The following RANGAP1 variants were observed in gnomAD, a reference collection of about 807,000 sequenced individuals.
RANGAP1 encodes Ran GTPase activating protein 1.
Under a neutral mutation model 63.5 loss-of-function variants are expected in RANGAP1, and 38 were observed. The observed-to-expected ratio is 0.60, with a 90% confidence interval of 0.46 to 0.78. RANGAP1 has a LOEUF of 0.78. RANGAP1 is among the 30% of genes least tolerant of loss of function. The pLI is 0.00. For synonymous variants in RANGAP1, 329 were observed against 310.5 expected, an observed-to-expected ratio of 1.06 and a Z score of -0.63; for missense variants, 630 against 740.3, an observed-to-expected ratio of 0.85 and a Z score of 1.73.
chr22:41,258,441 G>C (rs181440195), intron 6 of RANGAP1, among the ~76,000 whole-genome samples: 1 of 152,298 alleles, frequency 6.6e-6, no homozygotes. Flanking sequence ...GCTGTGGTGG[G>C]CAGGCACTCA....
At chr22:41,280,219 A>G (rs2035419126) in intron 2 of RANGAP1, among the ~76,000 whole-genome samples, 1 of 152,164 alleles carries the variant, frequency 6.6e-6, no homozygotes, top group African/African-American at 2.4e-5. Flanking sequence ...CGACCTGGAG[A>G]GGAGAACAAG....
Position 41,264,862 on chromosome 22 carries a change from C to T in RANGAP1, c.301-19G>A, listed in dbSNP as rs2034376446. The T allele has an allele frequency of 3.2e-6, 5 of 1,584,818 alleles. No homozygotes were observed. Among genetic ancestry groups the T allele is most frequent in the Non-Finnish European group, 4.3e-6 (5 of 1,157,178 alleles). On this transcript the variant is annotated intron_variant, in intron 4 of 15. Coordinates refer to ENST00000356244, the MANE Select transcript of RANGAP1 (RefSeq NM_002883.4). ...GTGAGATCTGGGCACAGAGGAAGCT[C>T]GTGTCAGTTTCATAGACACCCAGCT...
the RANGAP1 span, among the ~76,000 whole-genome samples, chr22:41,293,810 T>C: frequency 6.6e-6 from 1 of 150,818 alleles, no homozygotes; most frequent in Admixed American, 6.6e-5. Flanking sequence ...AAATACTTGG[T>C]TTTTTAAAAA....
At chr22:41,273,978 T>C (rs1425741331) in intron 3 of RANGAP1, among the ~76,000 whole-genome samples, 1 of 152,114 alleles carries the variant, frequency 6.6e-6, no homozygotes, top group African/African-American at 2.4e-5. Flanking sequence ...CTCAGGAGGC[T>C]GAGGCAGGAG....
chr22:41,293,534 C>G, the RANGAP1 span, among the ~76,000 whole-genome samples: 1 of 151,880 alleles, frequency 6.6e-6, no homozygotes, highest in Non-Finnish European at 1.5e-5. Context: ...AATCCCAGCA[C>G]TTTGGGAGGC....
intron 12 of RANGAP1, among the ~76,000 whole-genome samples, chr22:41,252,367 G>T (rs528165020): frequency 6.6e-6 from 1 of 152,108 alleles, no homozygotes; most frequent in Non-Finnish European, 1.5e-5. Flanking sequence ...ATTTCATGTT[G>T]CCAAGAGGGT....
chr22:41,274,000 C>G (rs1179747924), intron 3 of RANGAP1, among the ~76,000 whole-genome samples: 1 of 152,150 alleles, frequency 6.6e-6, no homozygotes, highest in Non-Finnish European at 1.5e-5. Context: ...ATCGCTTGAA[C>G]CCAGGAGGCG....
At chr22:41,268,186 G>C in intron 3 of RANGAP1, 30 bp from the exon 4 acceptor site, 1 of 1,503,622 alleles carries the variant, frequency 6.7e-7, no homozygotes, top group Non-Finnish European at 9.1e-7. Context: ...AGAGTTAGCG[G>C]GAGAGAGACC....
intron 15 of RANGAP1, 68 bp from the exon 16 acceptor site, chr22:41,246,740 T>C (rs1376421262): frequency 7.2e-7 from 1 of 1,383,998 alleles, no homozygotes; most frequent in Non-Finnish European, 1.0e-6. Context: ...GTGGGGGCCA[T>C]TTTGGTGCCA....
the RANGAP1 span, among the ~76,000 whole-genome samples, chr22:41,292,723 T>A: frequency 6.6e-6 from 1 of 151,190 alleles, no homozygotes; most frequent in African/African-American, 2.4e-5. Context: ...TCCAGCCTGG[T>A]CAACAGAGTG....
Position 41,246,409 on chromosome 22 carries a change from G to A in RANGAP1, c.*194C>T, listed in dbSNP as rs373963890. The A allele has an allele frequency of 2.7e-5, 16 of 582,254 alleles. No individual in the cohort carries two copies. The Admixed American group carries it at 3.7e-4, about 13-fold the overall frequency. 36.1% of individuals were successfully genotyped at this position (582,254 alleles called of 1,614,324 possible). A position where few individuals can be genotyped will look rare whatever the true frequency, so the allele number is the denominator to read the frequency against. ...CAGAAGACGTTAAAACCCAAATCCCGACAGGAGGCACAGACCTGCACATGC... is the reference window on the plus strand; with the variant it reads ...CAGAAGACGTTAAAACCCAAATCCCAACAGGAGGCACAGACCTGCACATGC... On this transcript the variant is annotated 3_prime_UTR_variant, in exon 16 of 16. Coordinates refer to ENST00000356244, the MANE Select transcript of RANGAP1 (RefSeq NM_002883.4).
chr22:41,259,353 C>T (rs886950299), intron 6 of RANGAP1, among the ~76,000 whole-genome samples: 6 of 152,150 alleles, frequency 3.9e-5, no homozygotes, highest in African/African-American at 1.4e-4. Flanking sequence ...CCAGGTCAGG[C>T]CTTCTTAGTA....
intron 1 of RANGAP1, 55 bp from the exon 2 acceptor site, chr22:41,281,137 G>A: frequency 6.8e-7 from 1 of 1,463,588 alleles, no homozygotes; most frequent in Non-Finnish European, 9.0e-7. Context: ...CCCCTGGTTG[G>A]GGGCAGGGTA....
Position 41,256,839 on chromosome 22 carries a change from C to G in RANGAP1, c.775-15G>C, listed in dbSNP as rs759992641. 1.2e-6 allele frequency: 2 copies of G among 1,609,206 alleles called. No individual in the cohort carries two copies. Among genetic ancestry groups the G allele is most frequent in the East Asian group, 4.5e-5 (2 of 44,800 alleles). ...GTCTTCAAGGTCTGTGAGGGGGAAGCAAGGGTCCAGAGTGAGGGTGCAGAC... is the reference window on the plus strand; with the variant it reads ...GTCTTCAAGGTCTGTGAGGGGGAAGGAAGGGTCCAGAGTGAGGGTGCAGAC... On this transcript the variant is annotated splice_polypyrimidine_tract_variant and intron_variant, in intron 7 of 15. Transcript: ENST00000356244.
At chr22:41,299,086 G>A in the RANGAP1 span, among the ~76,000 whole-genome samples, 2 of 151,906 alleles carry the variant, frequency 1.3e-5, no homozygotes, top group Non-Finnish European at 2.9e-5. Context: ...ATCTCCCAAA[G>A]GCCCCACCTC....
the RANGAP1 span, among the ~76,000 whole-genome samples, chr22:41,294,891 G>GC: frequency 1.2e-5 from 1 of 83,388 alleles, no homozygotes; most frequent in Non-Finnish European, 2.3e-5. Context: ...GGGGGGGTGA[G>GC]CCCCCCGCCC....
rs761704032 is a variant in RANGAP1 at position 41,261,517 on chromosome 22, G to T, written c.544C>A (p.Leu182Met). 25 of 1,614,244 alleles carry T rather than the reference G, an allele frequency of 1.5e-5. No homozygotes were observed. In the Middle Eastern group the frequency reaches 8.2e-4, roughly 53 times the overall value. The change falls in exon 6 of 16, where the codon CTG becomes ATG. Residue 182 changes from leucine to methionine, a missense_variant. By Grantham distance (15) the Leu-to-Met change is conservative. Around this residue, in one of 3 missense-constraint regions of RANGAP1, gnomAD observed 137 missense variants for 214.3 expected, o/e 0.64. Transcript: ENST00000356244. ...TTTCTGCCAGCCACAAAGACCTTCAGGGCCAGAGGCTTGCCTTGGGCACTG... is the reference window on the plus strand; with the variant it reads ...TTTCTGCCAGCCACAAAGACCTTCATGGCCAGAGGCTTGCCTTGGGCACTG... ...KSSAQGKPLA[L>M]KVFVAGRNRL...
chr22:41,270,886 A>G (rs939882369), intron 3 of RANGAP1, among the ~76,000 whole-genome samples: 3 of 152,126 alleles, frequency 2.0e-5, no homozygotes, highest in Non-Finnish European at 4.4e-5. Context: ...CCCTCACAAC[A>G]GATACCGGCA....
chr22:41,270,925 T>C (rs1419479711), intron 3 of RANGAP1, among the ~76,000 whole-genome samples: 1 of 139,726 alleles, frequency 7.2e-6, no homozygotes, highest in Non-Finnish European at 1.6e-5. Context: ...TCCCCAAACC[T>C]AACTCTAATG....
Sources: allele counts gnomAD v4.1 joint callset (sites outside exome capture counted in the v4.1 genomes callset), GRCh38; gene constraint gnomAD v4.1.1; regional missense constraint gnomAD v4.1.1; transcripts MANE v1.5; gene names NCBI Gene and HGNC (gene_info 2026-07-23, HGNC 2026-07-21).